EDRF1: variants seen among roughly 807,000 people sequenced by gnomAD.
EDRF1 encodes the protein erythroid differentiation-related factor 1.
EDRF1 carries 69 observed loss-of-function variants against 148.7 expected under a neutral mutation model. The observed-to-expected ratio is 0.46, with a 90% confidence interval of 0.38 to 0.57. The LOEUF is 0.57. EDRF1 is among the 20% of genes least tolerant of loss of function. The probability of loss-of-function intolerance (pLI) is 0.00; values close to 1 mark genes in which losing one functional copy is unlikely to be tolerated. For synonymous variants in EDRF1, 515 were observed against 532.8 expected, an observed-to-expected ratio of 0.97 and a Z score of 0.46; for missense variants, 1,118 against 1,478.7, an observed-to-expected ratio of 0.76 and a Z score of 4.00.
chr10:125,756,477 C>T (rs1289390294), intron 24 of EDRF1, among the ~76,000 whole-genome samples: 1 of 152,196 alleles, frequency 6.6e-6, no homozygotes, highest in Non-Finnish European at 1.5e-5. Context: ...TTCAGGTCTT[C>T]TGTATTCTCA....
In EDRF1 at chr10:125,749,481, C is replaced by T; in HGVS notation, c.3193C>T (p.Leu1065=). 1 of 1,614,186 alleles carries T rather than the reference C, an allele frequency of 6.2e-7. No individual in the cohort carries two copies. The highest frequency in any genetic ancestry group is 8.5e-7 in the Non-Finnish European group (1 of 1,180,032). ...ADLHYSKAAK[L]FQLLKDAPCE... is the part of the protein sequence containing the mutation. ...TCTTCATTACAGCAAGGCCGCAAAGCTGTTTCAGCTGCTGAAAGATGCTCC... is the reference window on the plus strand; with the variant it reads ...TCTTCATTACAGCAAGGCCGCAAAGTTGTTTCAGCTGCTGAAAGATGCTCC... Residue 1065 remains leucine (L), a synonymous_variant, in exon 22 of 25, where the codon CTG becomes TTG. Transcript: ENST00000356792.
rs140872600 is a variant in EDRF1, at chr10:125,758,020, GT to G, written c.3545+4182del. Among the ~76,000 whole-genome samples, 507 of 152,144 alleles carry G rather than the reference GT, an allele frequency of 3.3e-3. 1 individual carries two copies. Among genetic ancestry groups the G allele is most frequent in the Non-Finnish European group, 5.6e-3 (382 of 68,008 alleles). On this transcript the variant is annotated intron_variant, in intron 24 of 24. Transcript: ENST00000356792. ...CACAGCTCTTGGATATTCCGTTCTG[GT>G]TTTTTTGATGCCATTTTTTCCTTTT...
chr10:125,725,743 A>C lies in EDRF1; in HGVS notation c.697A>C (p.Ser233Arg). ...CACCGCAGAACAGCAGGAATCGTCC[A>C]GTTCAGATCAGACAAATGATTCGGA... ...SSTAEQQESS[S>R]SDQTNDSEGA... Residue 233 changes from serine to arginine, a missense_variant, in exon 6 of 25, where the codon AGT (serine) becomes CGT (arginine). This residue lies in a region of EDRF1 where 954 missense variants were observed against 1,241.4 expected (regional missense o/e 0.77). Transcript: ENST00000356792. 1 of 1,614,144 alleles carries C rather than the reference A, an allele frequency of 6.2e-7. No homozygotes were observed. Among genetic ancestry groups the C allele is most frequent in the Non-Finnish European group, 8.5e-7 (1 of 1,180,028 alleles).
At chr10:125,735,936 T>G (rs537187050) in intron 13 of EDRF1, 32 bp downstream of exon 13, 1 of 1,552,476 alleles carries the variant, frequency 6.4e-7, no homozygotes, top group East Asian at 2.2e-5. Context: ...TAAATTTTTA[T>G]CAAGGAAACA....
intron 6 of EDRF1, among the ~76,000 whole-genome samples, chr10:125,728,785 T>C (rs1237509715): frequency 6.6e-6 from 1 of 152,220 alleles, no homozygotes; most frequent in Non-Finnish European, 1.5e-5. Context: ...CTATCTCTCT[T>C]GAGTAAGATC....
At chr10:125,730,885 G>A (rs1480535308) in intron 9 of EDRF1, among the ~76,000 whole-genome samples, 2 of 152,148 alleles carry the variant, frequency 1.3e-5, no homozygotes, top group African/African-American at 2.4e-5. Flanking sequence ...GCTTATTCCT[G>A]TAATCCCAAG....
rs1848820921 is a variant in EDRF1, at chr10:125,737,922, G to A, written c.1763G>A (p.Ser588Asn). 1 of 1,613,798 alleles carries A rather than the reference G, an allele frequency of 6.2e-7. No homozygotes were observed. The highest frequency in any genetic ancestry group is 8.5e-7 in the Non-Finnish European group (1 of 1,179,814). Residue 588 changes from serine to asparagine, a missense_variant, in exon 14 of 25, where the codon AGT (serine) becomes AAT (asparagine). Transcript: ENST00000356792. ...KYKSIHQIRP[S>N]CAFPVCHDTE... ...ATTTTATGTTTGTTCCTCAAGCCCA[G>A]TTGTGCATTTCCAGTTTGCCATGAC...
At chr10:125,755,011 C>T (rs1253623535) in intron 24 of EDRF1, among the ~76,000 whole-genome samples, 2 of 152,160 alleles carry the variant, frequency 1.3e-5, no homozygotes, top group African/African-American at 4.8e-5. Flanking sequence ...GAAAACAGTT[C>T]CGTCACTCCA....
chr10:125,759,395 A>T (rs1779898484), intron 24 of EDRF1, among the ~76,000 whole-genome samples: 1 of 152,202 alleles, frequency 6.6e-6, no homozygotes, highest in Non-Finnish European at 1.5e-5. Context: ...AAGAAGAGCC[A>T]TGACCTTGTA....
At chr10:125,724,828 A>G (rs1241616241) in intron 4 of EDRF1, among the ~76,000 whole-genome samples, 24 of 152,196 alleles carry the variant, frequency 1.6e-4, no homozygotes, top group Admixed American at 1.6e-3. Context: ...TTTAAAGAAT[A>G]TTACTACAGT....
intron 21 of EDRF1, 45 bp downstream of exon 21, chr10:125,748,057 G>A (rs1398520598): frequency 6.2e-7 from 1 of 1,609,116 alleles, no homozygotes; most frequent in South Asian, 1.1e-5. Flanking sequence ...CAGTTTAAAA[G>A]TGTTCTGGGT....
chr10:125,735,746 A>G lies in EDRF1; in HGVS notation c.1600A>G (p.Ser534Gly). Residue 534 changes from serine (S) to glycine (G), a missense_variant, in exon 13 of 25, where the codon AGT (serine) becomes GGT (glycine). Transcript: ENST00000356792. ...TCCTTTAAATGAGAATTCTGATGAA[A>G]GTTATAGTGAAGAGGAGGAAGAGAT... Reference protein sequence around the residue: ...ESPLNENSDESYSEEEEEMPD... With the variant: ...ESPLNENSDEGYSEEEEEMPD... 1 of 1,613,854 alleles carries G rather than the reference A, an allele frequency of 6.2e-7. No homozygotes were observed. Among genetic ancestry groups the G allele is most frequent in the Non-Finnish European group, 8.5e-7 (1 of 1,179,798 alleles).
chr10:125,740,372 T>C, intron 15 of EDRF1, 91 bp from the exon 16 acceptor site: 2 of 1,286,620 alleles, frequency 1.6e-6, no homozygotes, highest in African/African-American at 2.9e-5. Flanking sequence ...AAGTCTAGAG[T>C]GTTTCCATCA....
intron 24 of EDRF1, among the ~76,000 whole-genome samples, chr10:125,755,828 T>A (rs1849877101): frequency 1.3e-5 from 2 of 152,190 alleles, no homozygotes; most frequent in Admixed American, 1.3e-4. Context: ...ATATTGGTAA[T>A]CCTTCTGTTT....
intron 24 of EDRF1, among the ~76,000 whole-genome samples, chr10:125,755,292 T>G (rs1295136730): frequency 6.6e-6 from 1 of 152,268 alleles, no homozygotes; most frequent in African/African-American, 2.4e-5. Flanking sequence ...CCTTGTTTAG[T>G]GGATTACGTT....
intron 2 of EDRF1, 31 bp downstream of exon 2, chr10:125,721,443 C>T: frequency 6.3e-7 from 1 of 1,585,540 alleles, no homozygotes; most frequent in Non-Finnish European, 8.7e-7. Context: ...TTTTTACCTG[C>T]CCCTCCACCC....
intron 18 of EDRF1, among the ~76,000 whole-genome samples, chr10:125,743,687 G>A (rs1379633653): frequency 6.6e-6 from 1 of 152,226 alleles, no homozygotes; most frequent in Non-Finnish European, 1.5e-5. Context: ...ATTTATGGAG[G>A]TTATAAGTTA....
intron 4 of EDRF1, 25 bp downstream of exon 4, chr10:125,723,961 A>G (rs377649936): frequency 5.0e-6 from 8 of 1,611,902 alleles, no homozygotes; most frequent in Admixed American, 1.7e-5. Flanking sequence ...AAAAAATCCA[A>G]CAAAACATTA....
At chr10:125,731,448 A>G (rs189893507) in intron 9 of EDRF1, among the ~76,000 whole-genome samples, 1 of 152,314 alleles carries the variant, frequency 6.6e-6, no homozygotes, top group African/African-American at 2.4e-5. Flanking sequence ...TCTAGTGTAA[A>G]TACATGAAAG....
Sources: gnomAD v4.1 joint callset for allele counts (sites outside exome capture counted in the v4.1 genomes callset) on GRCh38, gnomAD v4.1.1 for gene constraint, gnomAD v4.1.1 regional missense constraint, MANE v1.5 for transcripts, NCBI Gene and HGNC (gene_info 2026-07-23, HGNC 2026-07-21) for gene names.